The following ATXN3 variants were observed in gnomAD, a reference collection of about 807,000 sequenced individuals.
The protein encoded by ATXN3 is ataxin-3.
A neutral mutation model predicts 58.2 loss-of-function variants in ATXN3; 28 were observed. That is an observed-to-expected ratio of 0.48 (90% CI 0.36 to 0.66). The LOEUF (loss-of-function observed/expected upper bound fraction) is 0.66. Ranked by LOEUF, ATXN3 falls within the 30% of genes least tolerant of loss-of-function variation. The probability of loss-of-function intolerance (pLI) is 0.00; values close to 1 mark genes in which losing one functional copy is unlikely to be tolerated. For synonymous variants in ATXN3, 113 were observed against 138.5 expected, an observed-to-expected ratio of 0.82 and a Z score of 1.29; for missense variants, 321 against 422.1, an observed-to-expected ratio of 0.76 and a Z score of 2.10.
intron 9 of ATXN3, chr14:92,073,655 G>C (rs898449787): frequency 1.3e-5 from 2 of 152,184 alleles, no homozygotes; most frequent in Non-Finnish European, 2.9e-5. Context: ...TGGCCAACAT[G>C]GTGAAACCCC....
intron 1 of ATXN3, among the ~76,000 whole-genome samples, chr14:92,098,665 G>T (rs1031209832): frequency 1.1e-4 from 16 of 152,146 alleles, no homozygotes; most frequent in Admixed American, 6.5e-4. Context: ...ATTAATACAG[G>T]TGAGAAAAAT....
intron 10 of ATXN3, among the ~76,000 whole-genome samples, chr14:92,069,371 CTTTTTTTTTTTT>C (rs34755730): frequency 1.1e-5 from 1 of 92,570 alleles, no homozygotes; most frequent in East Asian, 3.2e-4. Flanking sequence ...GTGTCCAGCC[CTTTTTTTTTTTT>C]TTTTTTTTGA....
chr14:92,073,588 C>T (rs2059820346), intron 9 of ATXN3: 1 of 152,260 alleles, frequency 6.6e-6, no homozygotes, highest in Admixed American at 6.6e-5. Flanking sequence ...CCTGTAATCC[C>T]AGCACTTTGG....
intron 5 of ATXN3, 42 bp from the exon 6 acceptor site, chr14:92,088,859 G>A: frequency 2.6e-6 from 3 of 1,134,826 alleles, no homozygotes; most frequent in African/African-American, 1.5e-5. Flanking sequence ...GTATATTATA[G>A]GTAATAAGGA....
At chr14:92,106,427 G>A (rs1284945854) in intron 1 of ATXN3, 102 bp downstream of exon 1, 1 of 1,486,956 alleles carries the variant, frequency 6.7e-7, no homozygotes, top group Non-Finnish European at 9.4e-7. Flanking sequence ...GATCGGCATG[G>A]GGGCGACTCG....
chr14:92,094,039 G>A (rs1424171427), intron 3 of ATXN3, among the ~76,000 whole-genome samples: 7 of 151,362 alleles, frequency 4.6e-5, no homozygotes, highest in African/African-American at 1.7e-4. Flanking sequence ...CGCCTCCCAG[G>A]TTCAAGCGAT....
intron 5 of ATXN3, among the ~76,000 whole-genome samples, chr14:92,092,434 T>C (rs1339106563): frequency 6.6e-6 from 1 of 152,212 alleles, no homozygotes; most frequent in Non-Finnish European, 1.5e-5. Flanking sequence ...ATTTAAAAAA[T>C]AGAAGTGATT....
intron 4 of ATXN3, 59 bp downstream of exon 4, chr14:92,093,687 A>C: frequency 7.9e-7 from 1 of 1,271,254 alleles, no homozygotes; most frequent in African/African-American, 1.5e-5. Context: ...TTAAGAAATT[A>C]CAACTTTAAA....
intron 6 of ATXN3, among the ~76,000 whole-genome samples, chr14:92,087,733 C>T (rs7154147): frequency 0.19 from 28,484 of 151,924 alleles, 3,295 homozygotes; most frequent in East Asian, 0.37. Context: ...ATGCTTGGGC[C>T]CCACAGTAGG....
intron 5 of ATXN3, among the ~76,000 whole-genome samples, chr14:92,091,224 ACGGAT>A (rs1272706393): frequency 6.6e-6 from 1 of 152,050 alleles, no homozygotes; most frequent in African/African-American, 2.4e-5. Context: ...GCAGAGACGG[ACGGAT>A]CACCTGAGGT....
intron 9 of ATXN3, among the ~76,000 whole-genome samples, chr14:92,078,087 G>A (rs1424010279): frequency 1.3e-5 from 2 of 149,470 alleles, no homozygotes; most frequent in African/African-American, 5.0e-5. Context: ...CGATTCTTCT[G>A]TCTCAGCCTC....
chr14:92,096,180 G>GCCCCC, intron 2 of ATXN3, 43 bp from the exon 3 acceptor site: 1 of 1,278,226 alleles, frequency 7.8e-7, no homozygotes, highest in Non-Finnish European at 1.1e-6. Flanking sequence ...TGGGGGTGGG[G>GCCCCC]AAAGAAGGAT....
rs548589805 is a variant in ATXN3, at chr14:92,099,363, C to A, written c.25-2525G>T. Among the ~76,000 whole-genome samples the A allele has an allele frequency of 3.3e-5, 5 of 152,288 alleles. No homozygotes were observed. In the South Asian group the frequency reaches 1.0e-3, roughly 32 times the overall value. On this transcript the variant is annotated intron_variant, in intron 1 of 10. Transcript: ENST00000644486. Reference sequence around the variant, plus strand: ...GAATAGGAAGACAACATTGAGACAGCCTCAGTCTGAGATAAGTTTATCTTC... The same window carrying A: ...GAATAGGAAGACAACATTGAGACAGACTCAGTCTGAGATAAGTTTATCTTC...
chr14:92,055,536 C>A (rs920916413), downstream of ATXN3, among the ~76,000 whole-genome samples: 1 of 152,220 alleles, frequency 6.6e-6, no homozygotes, highest in Non-Finnish European at 1.5e-5. The surrounding 1 kb of genome is among the most constrained non-coding windows in gnomAD (Gnocchi z 4.5). Context: ...CATCCCCCGG[C>A]AACCACCATT....
At chr14:92,051,511 CTCTT>C (rs1041394431), upstream of ATXN3, among the ~76,000 whole-genome samples, 14 of 151,956 alleles carry the variant, frequency 9.2e-5, no homozygotes, top group African/African-American at 3.4e-4. Context: ...GTCAGATCTT[CTCTT>C]TATTTCTGAT....
Position 92,090,062 on chromosome 14 carries a change from C to CT in ATXN3, c.388-1246dup, listed in dbSNP as rs555894423. ...GCCTGGGCTGTAACATAGTGAGACCCTGTCTCTATAATTTAAAAATGTTTT... is the reference window on the plus strand; with the variant it reads ...GCCTGGGCTGTAACATAGTGAGACCCTTGTCTCTATAATTTAAAAATGTTTT... On this transcript the variant is annotated intron_variant, in intron 5 of 10. Transcript: ENST00000644486. 4.8e-4 allele frequency among the ~76,000 whole-genome samples: 73 copies of CT among 152,240 alleles called. No homozygotes were observed. In the Middle Eastern group the frequency reaches 0.014, roughly 28 times the overall value.
At chr14:92,056,427 T>C (rs1049818611), downstream of ATXN3, among the ~76,000 whole-genome samples, 4 of 152,216 alleles carry the variant, frequency 2.6e-5, no homozygotes, top group African/African-American at 9.7e-5. Flanking sequence ...TGGAATATTA[T>C]TCAGTTTTTA....
chr14:92,097,101 G>A (rs1262003802), intron 1 of ATXN3, among the ~76,000 whole-genome samples: 3 of 151,764 alleles, frequency 2.0e-5, no homozygotes, highest in Non-Finnish European at 4.4e-5. Context: ...TAGAGACGGG[G>A]TTTCATCCTG....
intron 3 of ATXN3, among the ~76,000 whole-genome samples, chr14:92,094,068 G>A (rs924460994): frequency 2.0e-5 from 3 of 151,162 alleles, no homozygotes; most frequent in South Asian, 2.1e-4. Context: ...TGAGGCTCCC[G>A]AGTAGCTGGG....
Sources: allele counts gnomAD v4.1 joint callset (sites outside exome capture counted in the v4.1 genomes callset), GRCh38; gene constraint gnomAD v4.1.1; non-coding constraint Gnocchi (gnomAD v3.1); transcripts MANE v1.5; gene names NCBI Gene and HGNC (gene_info 2026-07-23, HGNC 2026-07-21).